The following ANKRD36C variants were observed in gnomAD, a reference collection of about 807,000 sequenced individuals.
ANKRD36C encodes ankyrin repeat domain-containing protein 36C.
A neutral mutation model predicts 276.4 loss-of-function variants in ANKRD36C; 61 were observed. The ratio of observed to expected loss-of-function variants is 0.22; its 90% CI spans 0.18 to 0.27. The LOEUF (loss-of-function observed/expected upper bound fraction) is 0.27. ANKRD36C is among the 10% of genes least tolerant of loss of function. ANKRD36C has a pLI of 1.00. For synonymous variants in ANKRD36C, 483 were observed against 680.1 expected (o/e 0.71, Z 4.51); for missense variants, 1,447 against 2,032.3 (o/e 0.71, Z 5.54).
intron 60 of ANKRD36C, among the ~76,000 whole-genome samples, chr2:95,863,002 AT>A (rs1429834762): frequency 6.6e-6 from 1 of 151,832 alleles, no homozygotes; most frequent in Non-Finnish European, 1.5e-5. Flanking sequence ...AGTCTATGGT[AT>A]TTTGTTATAC....
chr2:95,888,628 G>C (rs931514213), intron 48 of ANKRD36C, among the ~76,000 whole-genome samples: 1 of 151,726 alleles, frequency 6.6e-6, no homozygotes, highest in Admixed American at 6.6e-5. Flanking sequence ...TTCAGTGGAA[G>C]TGTCCTAAAT....
chr2:95,912,494 C>G, intron 40 of ANKRD36C, 59 bp from the exon 43 acceptor site: 2 of 1,601,118 alleles, frequency 1.2e-6, no homozygotes, highest in South Asian at 2.2e-5. Context: ...GTTATCCATA[C>G]ATTCGCACAG....
intron 30 of ANKRD36C, 132 bp from the exon 31 acceptor site, chr2:95,923,821 G>A: frequency 7.5e-7 from 1 of 1,335,706 alleles, no homozygotes; most frequent in Non-Finnish European, 1.0e-6. Context: ...TGTGTCTGGG[G>A]ACTGGAACAT....
chr2:95,932,452 G>T (rs56338433), intron 24 of ANKRD36C, among the ~76,000 whole-genome samples: 7,444 of 104,932 alleles, frequency 0.071, no homozygotes, highest in African/African-American at 0.16. Context: ...TTCATTAAGT[G>T]CACTGCCTGA....
intron 10 of ANKRD36C, among the ~76,000 whole-genome samples, chr2:95,959,864 T>A (rs1678416267): frequency 6.6e-6 from 1 of 152,156 alleles, no homozygotes; most frequent in African/African-American, 2.4e-5. Context: ...CTATCCTGCT[T>A]CCAGTAGTTC....
At chr2:95,864,912 TA>T (rs1431162623) in intron 60 of ANKRD36C, among the ~76,000 whole-genome samples, 1 of 152,052 alleles carries the variant, frequency 6.6e-6, no homozygotes, top group African/African-American at 2.4e-5. Flanking sequence ...CCAGAACTAA[TA>T]AGTGAGTTTA....
chr2:95,941,038 T>C, intron 20 of ANKRD36C, 122 bp downstream of exon 20: 2 of 648,340 alleles, frequency 3.1e-6, no homozygotes, highest in Non-Finnish European at 4.3e-6. Flanking sequence ...AAAAATTATA[T>C]TAAAGCATAG....
chr2:95,962,872 T>C (rs766482211), intron 6 of ANKRD36C, among the ~76,000 whole-genome samples: 94 of 152,044 alleles, frequency 6.2e-4, no homozygotes, highest in South Asian at 4.1e-4. Context: ...GAGCAACTCA[T>C]GCACCTGCGA....
At chr2:95,977,239 C>T (rs1447358037) in intron 6 of ANKRD36C, among the ~76,000 whole-genome samples, 3 of 151,986 alleles carry the variant, frequency 2.0e-5, no homozygotes, top group African/African-American at 4.8e-5. Context: ...TTTCTCTCTC[C>T]CCACTAATGT....
chr2:95,971,839 G>T (rs1485544251), intron 6 of ANKRD36C, among the ~76,000 whole-genome samples: 1 of 151,870 alleles, frequency 6.6e-6, no homozygotes, highest in Non-Finnish European at 1.5e-5. Flanking sequence ...TTACTGAAAG[G>T]TTAATCGAAT....
At chr2:95,913,490 A>C (rs1573760891) in intron 40 of ANKRD36C, among the ~76,000 whole-genome samples, 1 of 151,514 alleles carries the variant, frequency 6.6e-6, no homozygotes, top group East Asian at 2.0e-4. Context: ...TATTCCAATT[A>C]TACCATTGTT....
intron 42 of ANKRD36C, 43 bp from the exon 45 acceptor site, chr2:95,910,611 G>A (rs1458706201): frequency 1.2e-6 from 2 of 1,602,306 alleles, no homozygotes; most frequent in South Asian, 1.1e-5. Context: ...ATGTAAATAT[G>A]ACAAAGATAT....
intron 52 of ANKRD36C, 82 bp from the exon 73 acceptor site, chr2:95,884,450 G>C: frequency 1.9e-6 from 3 of 1,597,406 alleles, no homozygotes; most frequent in Non-Finnish European, 2.6e-6. Flanking sequence ...TTAGCATCAA[G>C]CTGTATCCTT....
rs147790097 is a variant in ANKRD36C, at chr2:95,913,903, G to A, written c.2551+205C>T. Among the ~76,000 whole-genome samples, 493 of 151,552 alleles carry A rather than the reference G, an allele frequency of 3.3e-3. 1 individual carries two copies. The highest frequency in any genetic ancestry group is 5.4e-3 in the Non-Finnish European group (366 of 67,622). ...CATATTTCTTCTTCCCAGTTTCAAT[G>A]TGGGGAAATGTATAATCTTACAGCG... On this transcript the variant is annotated intron_variant, in intron 40 of 66. Coordinates refer to ENST00000456556, the Ensembl canonical transcript of ANKRD36C.
rs575119064 is a variant in ANKRD36C at position 95,860,494 on chromosome 2, G to A, written c.3683-420C>T. Among the ~76,000 whole-genome samples, 1,041 of 152,290 alleles carry A rather than the reference G, an allele frequency of 6.8e-3. 13 individuals are homozygous for A. Among genetic ancestry groups the A allele is most frequent in the African/African-American group, 0.024 (1,009 of 41,550 alleles). On this transcript the variant is annotated intron_variant, in intron 60 of 66. Coordinates refer to ENST00000456556, the Ensembl canonical transcript of ANKRD36C. ...CTGGCTAGTTTGCAGCATGTGCTGT[G>A]CTGAAGCTCTGCTGCAATCTGTTAC...
chr2:95,889,275 C>T (rs1389878483), intron 48 of ANKRD36C, among the ~76,000 whole-genome samples: 1 of 151,528 alleles, frequency 6.6e-6, no homozygotes, highest in African/African-American at 2.4e-5. Flanking sequence ...ACTGAGGTTT[C>T]CTCAGCAGAA....
chr2:95,910,282 G>A, intron 42 of ANKRD36C, 91 bp downstream of exon 46: 11 of 1,368,334 alleles, frequency 8.0e-6, no homozygotes, highest in Non-Finnish European at 1.1e-5. Flanking sequence ...AGAAAGTGCA[G>A]CTTCGACGAG....
At chr2:95,908,382 A>C in intron 42 of ANKRD36C, 120 bp downstream of exon 48, 1 of 1,181,608 alleles carries the variant, frequency 8.5e-7, no homozygotes, top group East Asian at 2.8e-5. Context: ...GAAATGAAGA[A>C]TCTCAGGACT....
chr2:95,859,959 C>G (rs1675524832), exon 61 of ANKRD36C: 1 of 1,550,190 alleles, frequency 6.5e-7, no homozygotes, highest in Non-Finnish European at 8.7e-7. Context: ...GTACACTAGC[C>G]TTATTTTTCA....
Sources: gnomAD v4.1 joint callset for allele counts (sites outside exome capture counted in the v4.1 genomes callset) on GRCh38, gnomAD v4.1.1 for gene constraint, MANE v1.5 for transcripts, NCBI Gene and HGNC (gene_info 2026-07-23, HGNC 2026-07-21) for gene names.